Variants in ERC1 observed in about 807,000 individuals in gnomAD.
ERC1 encodes the protein ELKS/RAB6-interacting/CAST family member 1.
ERC1 carries 56 observed loss-of-function variants against 132.0 expected under a neutral mutation model. The ratio of observed to expected loss-of-function variants is 0.42; its 90% CI spans 0.34 to 0.53. The LOEUF is 0.53. ERC1 is among the 20% of genes least tolerant of loss of function. The pLI, the probability that ERC1 is intolerant of heterozygous loss-of-function variation, is 0.03. For synonymous variants in ERC1, 478 were observed against 476.1 expected (o/e 1.00, Z -0.05); for missense variants, 1,202 against 1,349.9 (o/e 0.89, Z 1.72).
intron 1 of ERC1, among the ~76,000 whole-genome samples, chr12:997,850 G>C (rs1961259777): frequency 6.6e-6 from 1 of 152,168 alleles, no homozygotes; most frequent in Admixed American, 6.5e-5. Flanking sequence ...GAGGTGTCCT[G>C]ATTGGAAAGT....
At chr12:1,165,308 A>AT (rs751438062) in intron 8 of ERC1, among the ~76,000 whole-genome samples, 300 of 143,844 alleles carry the variant, frequency 2.1e-3, no homozygotes, top group Middle Eastern at 3.6e-3. Context: ...ATGCAGGAGA[A>AT]TTTTTTTTTT....
intron 12 of ERC1, among the ~76,000 whole-genome samples, chr12:1,229,748 A>G (rs2074881202): frequency 6.6e-6 from 1 of 152,130 alleles, no homozygotes; most frequent in Non-Finnish European, 1.5e-5. Context: ...CTTTTGACAA[A>G]CAACTATTAT....
At chr12:1,352,733 CAT>C (rs1239007978) in intron 15 of ERC1, among the ~76,000 whole-genome samples, 2 of 152,222 alleles carry the variant, frequency 1.3e-5, no homozygotes, top group African/African-American at 2.4e-5. Flanking sequence ...GAATGAAAAT[CAT>C]GTGTTTAATG....
chr12:1,238,554 A>T (rs994516350), intron 13 of ERC1, among the ~76,000 whole-genome samples: 2 of 152,170 alleles, frequency 1.3e-5, no homozygotes, highest in Non-Finnish European at 2.9e-5. Context: ...ATTTCATGAA[A>T]TTAATGATGA....
intron 5 of ERC1, among the ~76,000 whole-genome samples, chr12:1,111,941 T>C (rs1022286307): frequency 6.6e-6 from 1 of 152,102 alleles, no homozygotes; most frequent in Non-Finnish European, 1.5e-5. Flanking sequence ...TTAGTTTGGA[T>C]TTTTCACCCT....
At position 1,189,979 on chromosome 12, in the gene ERC1, C is replaced by A. The variant is rs757912572; in HGVS notation, c.2278C>A (p.Arg760=). The A allele has an allele frequency of 1.2e-6, 2 of 1,613,770 alleles. No individual in the cohort carries two copies. The highest frequency in any genetic ancestry group is 1.7e-6 in the Non-Finnish European group (2 of 1,179,874). ...TAGCAAGGCCCAGGCAGAAGTTGAT[C>A]GACTCTTAGAAATCTTGAAGGAGGT... is the stretch of plus-strand genomic sequence containing the variant. ...ESSKAQAEVD[R]LLEILKEVEN... Residue 760 remains arginine, a synonymous_variant, in exon 12 of 19, where the codon CGA becomes AGA. Transcript: ENST00000360905.
At chr12:1,339,317 G>A (rs1192541109) in intron 15 of ERC1, among the ~76,000 whole-genome samples, 1 of 146,446 alleles carries the variant, frequency 6.8e-6, no homozygotes, top group Non-Finnish European at 1.5e-5. Flanking sequence ...CAGCTCAGCT[G>A]GACGACTGTG....
At chr12:1,405,644 A>G (rs1402433115) in intron 16 of ERC1, among the ~76,000 whole-genome samples, 1 of 152,232 alleles carries the variant, frequency 6.6e-6, no homozygotes, top group Non-Finnish European at 1.5e-5. Context: ...CAGAGGTTGC[A>G]GTGAGCCAGG....
chr12:1,145,726 A>G (rs1950284797), intron 8 of ERC1, among the ~76,000 whole-genome samples: 1 of 152,134 alleles, frequency 6.6e-6, no homozygotes, highest in Non-Finnish European at 1.5e-5. Context: ...TAAGTCTTTG[A>G]GCCATCTTGA....
intron 15 of ERC1, among the ~76,000 whole-genome samples, chr12:1,316,863 G>T (rs1192141301): frequency 2.0e-5 from 3 of 152,302 alleles, no homozygotes; most frequent in African/African-American, 7.2e-5. Context: ...ACTGGATAAA[G>T]AAAATGTGGC....
At chr12:1,391,848 C>T (rs888348135) in intron 16 of ERC1, among the ~76,000 whole-genome samples, 14 of 152,148 alleles carry the variant, frequency 9.2e-5, no homozygotes, top group African/African-American at 2.9e-4. Flanking sequence ...TGCCTGTTGG[C>T]ATTTCCTGGT....
intron 14 of ERC1, among the ~76,000 whole-genome samples, chr12:1,265,935 G>A (rs940637813): frequency 3.9e-5 from 6 of 152,148 alleles, no homozygotes; most frequent in African/African-American, 1.4e-4. Flanking sequence ...GCCGCAGTTT[G>A]TTCATTCCTT....
intron 3 of ERC1, among the ~76,000 whole-genome samples, chr12:1,102,871 G>A (rs35467752): frequency 0.02 from 3,060 of 152,068 alleles, 81 homozygotes; most frequent in Non-Finnish European, 0.023. Context: ...TACTGAAAAC[G>A]TTGAACATTC....
chr12:1,245,893 C>A (rs2076127388), intron 13 of ERC1, among the ~76,000 whole-genome samples: 1 of 152,098 alleles, frequency 6.6e-6, no homozygotes, highest in East Asian at 1.9e-4. Flanking sequence ...GTCTCAGAAG[C>A]CTCTTTGCAT....
chr12:1,311,337 A>G (rs1262639693), intron 15 of ERC1, among the ~76,000 whole-genome samples: 1 of 145,942 alleles, frequency 6.9e-6, no homozygotes, highest in African/African-American at 2.6e-5. Flanking sequence ...AAATTTATCA[A>G]TGTTTGTTTT....
chr12:1,253,217 A>G (rs2076573037), intron 13 of ERC1, among the ~76,000 whole-genome samples: 1 of 152,172 alleles, frequency 6.6e-6, no homozygotes, highest in South Asian at 2.1e-4. Context: ...AGAAAAAGGC[A>G]AAAGCTTAGG....
intron 15 of ERC1, among the ~76,000 whole-genome samples, chr12:1,323,211 T>C (rs1181951710): frequency 6.6e-6 from 1 of 152,110 alleles, no homozygotes; most frequent in Non-Finnish European, 1.5e-5. Flanking sequence ...CTAATTTTAA[T>C]GTCAACGCAC....
chr12:1,248,859 A>G (rs1330427730), intron 13 of ERC1, among the ~76,000 whole-genome samples: 1 of 152,130 alleles, frequency 6.6e-6, no homozygotes. Flanking sequence ...CTCTGTGAGA[A>G]TTGAGGAGAG....
chr12:1,069,246 G>T (rs148354976), intron 2 of ERC1, among the ~76,000 whole-genome samples: 2 of 152,058 alleles, frequency 1.3e-5, no homozygotes, highest in South Asian at 4.1e-4. Context: ...AGATATCAAG[G>T]TTCCTTAGAT....
Sources: allele counts gnomAD v4.1 joint callset (sites outside exome capture counted in the v4.1 genomes callset), GRCh38; gene constraint gnomAD v4.1.1; transcripts MANE v1.5; gene names NCBI Gene and HGNC (gene_info 2026-07-23, HGNC 2026-07-21).